Variants in EIF3H observed in about 807,000 individuals in gnomAD.
EIF3H encodes the protein eukaryotic translation initiation factor 3 subunit H.
EIF3H carries 26 observed loss-of-function variants against 44.2 expected under a neutral mutation model. The ratio of observed to expected loss-of-function variants is 0.59; its 90% confidence interval spans 0.43 to 0.82. The LOEUF is 0.82. Among genes scored for constraint, EIF3H ranks in the 40% least tolerant of loss-of-function variants. The pLI is 0.00. For missense variants in EIF3H, 359 were observed against 432.8 expected (o/e 0.83, Z 1.51); for synonymous variants, 166 against 151.9 (o/e 1.09, Z -0.68).
chr8:116,683,558 T>C (rs1490545721), intron 2 of EIF3H, among the ~76,000 whole-genome samples: 1 of 152,228 alleles, frequency 6.6e-6, no homozygotes, highest in Non-Finnish European at 1.5e-5. Flanking sequence ...TTTAGAGGAA[T>C]GTTAGACATT....
intron 1 of EIF3H, among the ~76,000 whole-genome samples, chr8:116,747,925 C>T (rs1815265441): frequency 6.6e-6 from 1 of 152,158 alleles, no homozygotes; most frequent in African/African-American, 2.4e-5. Flanking sequence ...TCCTGACCAA[C>T]ATGGTGAAAC....
At chr8:116,655,415 C>T (rs1813472331) in intron 5 of EIF3H, among the ~76,000 whole-genome samples, 1 of 152,026 alleles carries the variant, frequency 6.6e-6, no homozygotes, top group African/African-American at 2.4e-5. Flanking sequence ...CTGCAAGAGT[C>T]TGCATCTGAA....
At chr8:116,704,704 C>T (rs1028503456) in intron 2 of EIF3H, among the ~76,000 whole-genome samples, 31 of 152,226 alleles carry the variant, frequency 2.0e-4, no homozygotes, top group African/African-American at 6.7e-4. Flanking sequence ...AAAGGAATAG[C>T]CCTAAAATTT....
intron 2 of EIF3H, among the ~76,000 whole-genome samples, chr8:116,667,625 T>C (rs187801808): frequency 6.6e-6 from 1 of 152,316 alleles, no homozygotes; most frequent in Non-Finnish European, 1.5e-5. Context: ...CACTAAACAT[T>C]CAAAGGAGAA....
chr8:116,674,067 C>CAAAAAAAA (rs59899280), intron 2 of EIF3H, among the ~76,000 whole-genome samples: 2 of 49,664 alleles, frequency 4.0e-5, no homozygotes, highest in African/African-American at 1.8e-4. Flanking sequence ...AAGACTGTCT[C>CAAAAAAAA]AAAAAAAAAA....
At chr8:116,736,868 T>C (rs972931530) in intron 1 of EIF3H, among the ~76,000 whole-genome samples, 1 of 152,132 alleles carries the variant, frequency 6.6e-6, no homozygotes, top group African/African-American at 2.4e-5. Flanking sequence ...ATGTATAATA[T>C]AAAATAAATA....
intron 1 of EIF3H, among the ~76,000 whole-genome samples, chr8:116,752,707 A>AGAAG (rs1815365283): frequency 7.3e-6 from 1 of 137,320 alleles, no homozygotes; most frequent in African/African-American, 2.7e-5. Context: ...AAAGAAAGAA[A>AGAAG]GAAAGAAAGA....
chr8:116,667,418 G>A (rs184227648), intron 2 of EIF3H, among the ~76,000 whole-genome samples: 295 of 146,512 alleles, frequency 2.0e-3, no homozygotes, highest in African/African-American at 6.9e-3. Context: ...AGGAGAGAAC[G>A]ACCTGAGTAC....
intron 2 of EIF3H, among the ~76,000 whole-genome samples, chr8:116,707,307 A>G (rs1212018654): frequency 6.6e-6 from 1 of 152,190 alleles, no homozygotes; most frequent in Non-Finnish European, 1.5e-5. Context: ...AAGGATATCT[A>G]TAATTTCTGA....
intron 2 of EIF3H, among the ~76,000 whole-genome samples, chr8:116,702,175 G>C (rs1235763323): frequency 6.6e-6 from 1 of 152,182 alleles, no homozygotes; most frequent in South Asian, 2.1e-4. Context: ...CTGGAATGGG[G>C]AAGGGGGTAG....
chr8:116,728,249 T>C (rs967670010), intron 1 of EIF3H, among the ~76,000 whole-genome samples: 3 of 150,090 alleles, frequency 2.0e-5, no homozygotes, highest in Non-Finnish European at 4.4e-5. Flanking sequence ...TATTACCCTA[T>C]CATGTAATTC....
intron 2 of EIF3H, among the ~76,000 whole-genome samples, chr8:116,693,231 T>C (rs1052490101): frequency 1.3e-5 from 2 of 152,142 alleles, no homozygotes; most frequent in Admixed American, 1.3e-4. Flanking sequence ...ATAAAGAACA[T>C]TCAATTTTTA....
intron 1 of EIF3H, chr8:116,737,788 A>G (rs1264187175): frequency 6.5e-6 from 1 of 152,852 alleles, no homozygotes; most frequent in Admixed American, 6.5e-5. Context: ...TAATCCTAGC[A>G]CTTTGGGAGG....
intron 1 of EIF3H, among the ~76,000 whole-genome samples, chr8:116,740,902 T>C (rs1430669408): frequency 1.3e-4 from 20 of 152,048 alleles, no homozygotes; most frequent in Non-Finnish European, 4.4e-5. Context: ...CTTCCTCCTA[T>C]AAAGACAGTA....
Position 116,734,120 on chromosome 8 carries a change from T to A in EIF3H, c.133-7948A>T, listed in dbSNP as rs541577264. 4.6e-5 allele frequency among the ~76,000 whole-genome samples: 7 copies of A among 152,320 alleles called. No individual in the cohort carries two copies. In the South Asian group the frequency reaches 8.3e-4, roughly 18 times the overall value. ...TTATGTATTATTATGAAAATAAGTT[T>A]TGACCTTGGAGACTCTCTAAAAGGG... is the stretch of plus-strand genomic sequence containing the variant. On this transcript the variant is annotated intron_variant, in intron 1 of 7. Coordinates refer to ENST00000521861, the MANE Select transcript of EIF3H (RefSeq NM_003756.3).
intron 2 of EIF3H, among the ~76,000 whole-genome samples, chr8:116,663,371 T>C (rs1280977726): frequency 6.6e-6 from 1 of 152,232 alleles, no homozygotes; most frequent in Non-Finnish European, 1.5e-5. Flanking sequence ...TTAGACAAGC[T>C]TCAATTTTTG....
intron 2 of EIF3H, among the ~76,000 whole-genome samples, chr8:116,669,842 A>G (rs2130814842): frequency 6.6e-6 from 1 of 152,256 alleles, no homozygotes; most frequent in South Asian, 2.1e-4. Context: ...GAAAAATAGA[A>G]GTTTTTATAA....
chr8:116,674,624 C>T (rs1042279259), intron 2 of EIF3H, among the ~76,000 whole-genome samples: 6 of 152,150 alleles, frequency 3.9e-5, no homozygotes, highest in Non-Finnish European at 8.8e-5. Context: ...AGATCAACTA[C>T]GAGCCTGAAT....
intron 1 of EIF3H, among the ~76,000 whole-genome samples, chr8:116,741,149 A>G (rs781614592): frequency 3.9e-5 from 6 of 151,936 alleles, no homozygotes; most frequent in Non-Finnish European, 7.4e-5. Flanking sequence ...TCATTCATTC[A>G]TCTATCCATC....
Sources: allele counts gnomAD v4.1 joint callset (sites outside exome capture counted in the v4.1 genomes callset), GRCh38; gene constraint gnomAD v4.1.1; transcripts MANE v1.5; gene names NCBI Gene and HGNC (gene_info 2026-07-23, HGNC 2026-07-21).